ROR1: variants seen among roughly 807,000 people sequenced by gnomAD.
ROR1 encodes inactive tyrosine-protein kinase transmembrane receptor ROR1.
ROR1 carries 19 observed loss-of-function variants against 78.8 expected under a neutral mutation model. The observed-to-expected ratio is 0.24, with a 90% confidence interval of 0.17 to 0.35. The LOEUF (loss-of-function observed/expected upper bound fraction) is 0.35, where lower values mean the gene tolerates loss of function less well. ROR1 is among the 10% of genes least tolerant of loss of function. The pLI is 1.00. For missense variants in ROR1, 917 were observed against 1,177.8 expected (o/e 0.78, Z 3.24); for synonymous variants, 386 against 433.6 (o/e 0.89, Z 1.36).
chr1:63,849,006 G>A (rs1645098157), intron 1 of ROR1, among the ~76,000 whole-genome samples: 1 of 152,132 alleles, frequency 6.6e-6, no homozygotes, highest in Non-Finnish European at 1.5e-5. Flanking sequence ...GCATCCTGGG[G>A]TCTGTTATGG....
intron 1 of ROR1, among the ~76,000 whole-genome samples, chr1:64,006,600 C>T (rs1646429524): frequency 6.6e-6 from 1 of 152,172 alleles, no homozygotes; most frequent in Non-Finnish European, 1.5e-5. Context: ...ATTTCTCCTA[C>T]TTGGGTAAAA....
chr1:63,826,566 G>T (rs973693667), intron 1 of ROR1, among the ~76,000 whole-genome samples: 1 of 152,052 alleles, frequency 6.6e-6, no homozygotes, highest in Admixed American at 6.6e-5. Context: ...GCATGCCTGT[G>T]TCTTTATAAT....
At chr1:63,829,856 G>C (rs1380191579) in intron 1 of ROR1, among the ~76,000 whole-genome samples, 1 of 152,108 alleles carries the variant, frequency 6.6e-6, no homozygotes, top group Non-Finnish European at 1.5e-5. Flanking sequence ...TATGGAGTAA[G>C]ACAGCTTATT....
chr1:63,789,121 G>A (rs1413463034), intron 1 of ROR1: 2 of 610,626 alleles, frequency 3.3e-6, no homozygotes, highest in Admixed American at 1.9e-5. Flanking sequence ...TCCTGGCATC[G>A]AGCCTGGGAA....
At chr1:63,951,678 T>A (rs1645936955) in intron 1 of ROR1, among the ~76,000 whole-genome samples, 1 of 152,088 alleles carries the variant, frequency 6.6e-6, no homozygotes, top group South Asian at 2.1e-4. Context: ...GGGCCTTAGC[T>A]ATTTTGCATT....
chr1:64,051,435 G>C (rs1265585303), intron 4 of ROR1, among the ~76,000 whole-genome samples: 1 of 144,598 alleles, frequency 6.9e-6, no homozygotes, highest in African/African-American at 2.5e-5. Flanking sequence ...GGGCAGCAGA[G>C]TGAGACTCCG....
intron 1 of ROR1, among the ~76,000 whole-genome samples, chr1:63,833,047 T>G (rs1034103502): frequency 2.0e-4 from 31 of 152,360 alleles, no homozygotes; most frequent in African/African-American, 7.5e-4. Context: ...GTTCCAATCT[T>G]GTTTTCCCAT....
chr1:64,077,931 TG>T (rs1264671821), intron 4 of ROR1, among the ~76,000 whole-genome samples: 1 of 152,250 alleles, frequency 6.6e-6, no homozygotes, highest in African/African-American at 2.4e-5. Flanking sequence ...CTCAATGTGA[TG>T]CTCAATGTGA....
At chr1:63,811,444 G>A (rs1474206826) in intron 1 of ROR1, among the ~76,000 whole-genome samples, 1 of 152,166 alleles carries the variant, frequency 6.6e-6, no homozygotes, top group Non-Finnish European at 1.5e-5. Context: ...TGTCAGGGGA[G>A]TGAGTTGTCA....
At chr1:63,912,054 A>G (rs976169772) in intron 1 of ROR1, among the ~76,000 whole-genome samples, 1 of 151,636 alleles carries the variant, frequency 6.6e-6, no homozygotes, top group Non-Finnish European at 1.5e-5. Flanking sequence ...TGGAAGACCA[A>G]GGTGGAAGGC....
At chr1:63,915,190 A>G (rs1645599786) in intron 1 of ROR1, among the ~76,000 whole-genome samples, 1 of 152,230 alleles carries the variant, frequency 6.6e-6, no homozygotes, top group Admixed American at 6.5e-5. Flanking sequence ...AAGTTACATT[A>G]AACCCAGTTC....
intron 1 of ROR1, among the ~76,000 whole-genome samples, chr1:63,998,953 T>C (rs1023166482): frequency 6.6e-5 from 10 of 152,196 alleles, no homozygotes; most frequent in African/African-American, 2.4e-4. Flanking sequence ...ATTTCCACTT[T>C]TGCTTCTCTC....
chr1:64,020,542 G>C (rs1646556731), intron 2 of ROR1, among the ~76,000 whole-genome samples: 1 of 152,112 alleles, frequency 6.6e-6, no homozygotes, highest in African/African-American at 2.4e-5. Context: ...GCAATGATAG[G>C]TGCTGCAAAG....
At chr1:63,953,458 C>T (rs1386724130) in intron 1 of ROR1, among the ~76,000 whole-genome samples, 1 of 152,094 alleles carries the variant, frequency 6.6e-6, no homozygotes, top group African/African-American at 2.4e-5. Context: ...TAATAAAAGT[C>T]GTGTGAATAC....
intron 1 of ROR1, among the ~76,000 whole-genome samples, chr1:63,792,603 G>A (rs1644733910): frequency 6.6e-6 from 1 of 152,188 alleles, no homozygotes; most frequent in South Asian, 2.1e-4. Context: ...TATAAAATGG[G>A]CTAATAAAAT....
intron 2 of ROR1, among the ~76,000 whole-genome samples, chr1:64,012,307 C>T (rs1180958295): frequency 6.6e-6 from 1 of 152,124 alleles, no homozygotes; most frequent in East Asian, 1.9e-4. Context: ...GGATGTGATA[C>T]AGAAATCTAT....
At chr1:64,044,497 A>G (rs926597896) in intron 2 of ROR1, among the ~76,000 whole-genome samples, 19 of 152,194 alleles carry the variant, frequency 1.2e-4, no homozygotes, top group African/African-American at 4.1e-4. Flanking sequence ...AAAAAAGCCA[A>G]TTGCACTTAA....
intron 1 of ROR1, among the ~76,000 whole-genome samples, chr1:63,952,354 G>C (rs1645947048): frequency 6.6e-6 from 1 of 152,174 alleles, no homozygotes; most frequent in African/African-American, 2.4e-5. Context: ...CCTAGGTAAG[G>C]AATTTGGATT....
intron 1 of ROR1, among the ~76,000 whole-genome samples, chr1:63,877,045 C>T (rs966629091): frequency 2.0e-5 from 3 of 152,048 alleles, no homozygotes; most frequent in Non-Finnish European, 2.9e-5. Flanking sequence ...AACGAGGGCA[C>T]ACAATGATTA....
Sources: allele counts gnomAD v4.1 joint callset (sites outside exome capture counted in the v4.1 genomes callset), GRCh38; gene constraint gnomAD v4.1.1; transcripts MANE v1.5; gene names NCBI Gene and HGNC (gene_info 2026-07-23, HGNC 2026-07-21).